Variants in CCDC88C observed in about 807,000 individuals in gnomAD.
The protein encoded by CCDC88C is coiled-coil and HOOK domain protein 88C.
In CCDC88C, 131 loss-of-function variants were observed where a neutral mutation model predicts 198.8. The observed-to-expected ratio is 0.66, with a 90% CI of 0.57 to 0.76. The LOEUF (loss-of-function observed/expected upper bound fraction) is 0.76, where lower values mean the gene tolerates loss of function less well. Among genes scored for constraint, CCDC88C ranks in the 30% least tolerant of loss-of-function variants. CCDC88C has a pLI of 0.00. For missense variants in CCDC88C, 2,553 were observed against 2,631.6 expected (o/e 0.97, Z 0.65); for synonymous variants, 1,166 against 1,114.7 (o/e 1.05, Z -0.92).
At position 91,289,131 on chromosome 14, in the gene CCDC88C, T is replaced by C. The variant is rs776887120; in HGVS notation, c.4415A>G (p.Asp1472Gly). 1 of 1,613,004 alleles carries C rather than the reference T, an allele frequency of 6.2e-7. No individual in the cohort carries two copies. The highest frequency in any genetic ancestry group is 1.1e-5 in the South Asian group (1 of 91,062). The part of the protein sequence containing the change: ...ALGSNCAEER[D>G]AHNGSVGKGP... ...TTTCCCCACAGACCCGTTGTGGGCG[T>C]CGCGCTCTTCTGCACAGTTGGAGCC... is the stretch of plus-strand genomic sequence containing the variant. Residue 1472 changes from aspartate (D) to glycine (G), a missense_variant, in exon 25 of 30, where the codon GAC (aspartate) becomes GGC (glycine). Physicochemically the swap from Asp to Gly is moderately conservative, Grantham distance 94. Transcript: ENST00000389857.
intron 4 of CCDC88C, among the ~76,000 whole-genome samples, chr14:91,356,809 G>A (rs553355052): frequency 6.6e-6 from 1 of 152,266 alleles, no homozygotes; most frequent in South Asian, 2.1e-4. Context: ...GTTGGGAGGT[G>A]CCTGATGGTA....
Position 91,272,265 on chromosome 14 carries a change from G to A in CCDC88C, c.*360C>T, listed in dbSNP as rs576004834. ...TTGTGTGAGTGTGTGTGTGCTTAAC[G>A]GAGCTCAACACATTGCAAATGAGTG... On this transcript the variant is annotated 3_prime_UTR_variant, in exon 30 of 30. Coordinates refer to ENST00000389857, the MANE Select transcript of CCDC88C (RefSeq NM_001080414.4). 4.9e-4 allele frequency: 112 copies of A among 228,242 alleles called. 1 individual carries two copies. Among genetic ancestry groups the A allele is most frequent in the African/African-American group, 1.6e-3 (70 of 42,974 alleles). The allele number at this position is 228,242 out of a possible 1,614,324, so 14.1% of individuals were successfully genotyped here.
intron 29 of CCDC88C, among the ~76,000 whole-genome samples, chr14:91,274,246 C>T (rs563170663): frequency 6.6e-5 from 10 of 152,004 alleles, no homozygotes; most frequent in East Asian, 1.9e-4. Context: ...ATGGGGTCCG[C>T]GAGGGTCCAG....
chr14:91,315,993 TC>T (rs527560490), intron 13 of CCDC88C: 2 of 535,672 alleles, frequency 3.7e-6, no homozygotes, highest in Non-Finnish European at 3.3e-6. Context: ...ACCATCACCA[TC>T]CCCCCAGCGT....
At chr14:91,311,991 T>C (rs1195480338) in intron 15 of CCDC88C, among the ~76,000 whole-genome samples, 2 of 151,822 alleles carry the variant, frequency 1.3e-5, no homozygotes, top group African/African-American at 4.8e-5. Flanking sequence ...CAGGAAAGGA[T>C]TCTAGGAAAA....
In CCDC88C at chr14:91,352,453, A is replaced by G. The variant is rs1189590050; in HGVS notation, c.340+7189T>C. ...CATTTCCGGATCCAACAAGCAGCAC[A>G]GAAGCAAAGAAGCAGGATAGAAACG... On this transcript the variant is annotated intron_variant, in intron 4 of 29. Coordinates refer to ENST00000389857, the MANE Select transcript of CCDC88C (RefSeq NM_001080414.4). The surrounding 1 kb of genome is among the most constrained non-coding windows in gnomAD (Gnocchi z 4.2). Among the ~76,000 whole-genome samples, 1 of 152,256 alleles carries G rather than the reference A, an allele frequency of 6.6e-6. No individual in the cohort carries two copies. Among genetic ancestry groups the G allele is most frequent in the Non-Finnish European group, 1.5e-5 (1 of 68,052 alleles).
chr14:91,390,902 C>T (rs1885470236), intron 3 of CCDC88C, among the ~76,000 whole-genome samples: 2 of 152,164 alleles, frequency 1.3e-5, no homozygotes, highest in African/African-American at 2.4e-5. Context: ...TCACCACTTC[C>T]TTGTTTTAAG....
rs1886636063 is a variant in CCDC88C at position 91,408,653 on chromosome 14, C to T, written c.270+6G>A. ...TCAGAATTCCCGACAGCAGAACTGC[C>T]CTTACCTGGTAGTAGGTCTTAATGT... On this transcript the variant is annotated splice_donor_region_variant and intron_variant, in intron 3 of 29. Coordinates refer to ENST00000389857, the MANE Select transcript of CCDC88C (RefSeq NM_001080414.4). The T allele has an allele frequency of 1.9e-6, 3 of 1,559,560 alleles. No homozygotes were observed. In the African/African-American group the frequency reaches 4.1e-5, roughly 21 times the overall value.
chr14:91,295,673 C>T (rs889933194), intron 22 of CCDC88C, among the ~76,000 whole-genome samples: 3 of 152,202 alleles, frequency 2.0e-5, no homozygotes, highest in South Asian at 2.1e-4. Flanking sequence ...TGGAGAGAGG[C>T]GGGTTAGGAG....
Position 91,327,132 on chromosome 14 carries a change from C to G in CCDC88C, c.1051-1076G>C, listed in dbSNP as rs151208080. Among the ~76,000 whole-genome samples, 502 of 152,330 alleles carry G rather than the reference C, an allele frequency of 3.3e-3. 3 individuals are homozygous for G. Among genetic ancestry groups the G allele is most frequent in the African/African-American group, 0.012 (480 of 41,570 alleles). On this transcript the variant is annotated intron_variant, in intron 10 of 29. Coordinates refer to ENST00000389857, the MANE Select transcript of CCDC88C (RefSeq NM_001080414.4). ...CCCAAATGCCTTCGCAGGTTACAAA[C>G]AGCACACGCCAGGAACGTGTACGCT...
At chr14:91,290,196 T>G (rs1426127867) in intron 24 of CCDC88C, among the ~76,000 whole-genome samples, 1 of 152,174 alleles carries the variant, frequency 6.6e-6, no homozygotes, top group African/African-American at 2.4e-5. Context: ...GGCTTCAACC[T>G]GGGAAGCGGA....
chr14:91,417,731 G>GTCCCCGT lies in CCDC88C; in HGVS notation c.-48_-42dup. Reference sequence around the variant, plus strand: ...GCCGGCTCCGCGCCCCCCGCCCCGCGTCCCCGTTCCCCCGCGCCGCGGCAC... The same window carrying GTCCCCGT: ...GCCGGCTCCGCGCCCCCCGCCCCGCGTCCCCGTTCCCCGTTCCCCCGCGCCGCGGCAC... On this transcript the variant is annotated 5_prime_UTR_variant, in exon 1 of 30. Transcript: ENST00000389857. 1 of 1,457,920 alleles carries GTCCCCGT rather than the reference G, an allele frequency of 6.9e-7. No homozygotes were observed. Among genetic ancestry groups the GTCCCCGT allele is most frequent in the Non-Finnish European group, 9.1e-7 (1 of 1,098,644 alleles). The allele number at this position is 1,457,920 out of a possible 1,614,324, so 90.3% of individuals were successfully genotyped here. A position where few individuals can be genotyped will look rare whatever the true frequency, so the allele number is the denominator to read the frequency against.
chr14:91,376,866 A>G (rs182393541), intron 3 of CCDC88C, among the ~76,000 whole-genome samples: 14 of 152,300 alleles, frequency 9.2e-5, no homozygotes, highest in African/African-American at 3.4e-4. Flanking sequence ...TAATATCCCA[A>G]AGTGACTGCC....
chr14:91,274,557 GGA>G (rs879364297), intron 29 of CCDC88C, among the ~76,000 whole-genome samples: 2,257 of 152,302 alleles, frequency 0.015, 34 homozygotes, highest in Middle Eastern at 0.024. Flanking sequence ...TGGTAGCTCA[GGA>G]GCCATCTGCA....
In CCDC88C at chr14:91,313,500, C is replaced by T. The variant is rs1891937758; in HGVS notation, c.2316G>A (p.Gln772=). ...TGTGGCTGCTGCTCTCCAGGCTCTG[C>T]TGCAGCCGGAGGTTCTCAGCGCTCA... ...QSVSAENLRL[Q]QSLESSSHKT... is the part of the protein sequence containing the mutation. The change falls in exon 15 of 30, where the codon CAG becomes CAA. Residue 772 remains glutamine (Q), a synonymous_variant. Coordinates refer to ENST00000389857, the MANE Select transcript of CCDC88C (RefSeq NM_001080414.4). This position sits in a 1 kb window ranked among gnomAD's most constrained non-coding sequence, Gnocchi z 5.2. The T allele has an allele frequency of 5.0e-6, 8 of 1,608,154 alleles. No individual in the cohort carries two copies. Among genetic ancestry groups the T allele is most frequent in the Non-Finnish European group, 5.1e-6 (6 of 1,179,812 alleles).
intron 3 of CCDC88C, among the ~76,000 whole-genome samples, chr14:91,402,581 G>A (rs1262381687): frequency 6.6e-6 from 1 of 152,204 alleles, no homozygotes; most frequent in Non-Finnish European, 1.5e-5. Context: ...ACAGCAAGCG[G>A]ATAAAAGTGT....
chr14:91,300,535 C>T (rs577816065), intron 20 of CCDC88C, among the ~76,000 whole-genome samples: 1 of 152,368 alleles, frequency 6.6e-6, no homozygotes, highest in Admixed American at 6.5e-5. Flanking sequence ...GGAGAAGCCT[C>T]TCCCTCTCCC....
At chr14:91,307,943 C>T (rs370112920) in intron 17 of CCDC88C, among the ~76,000 whole-genome samples, 5 of 152,252 alleles carry the variant, frequency 3.3e-5, no homozygotes, top group African/African-American at 9.6e-5. Context: ...GTGGCAAATA[C>T]GTGTGCATGC....
rs1250631540 is a variant in CCDC88C at position 91,313,679 on chromosome 14, C to T, written c.2137G>A (p.Val713Met). 1.2e-6 allele frequency: 2 copies of T among 1,611,866 alleles called. No individual in the cohort carries two copies. Among genetic ancestry groups the T allele is most frequent in the African/African-American group, 1.3e-5 (1 of 74,936 alleles). The stretch of plus-strand genomic sequence containing the variant: ...GTGCTGGTGAAGCGCATGGTCTCCA[C>T]CAGCCTGCGCAGCTCCAGGTTCTCT... ...DAENLELRRLVETMRFTSTKL... is the reference protein window; with the variant it reads ...DAENLELRRLMETMRFTSTKL... The change falls in exon 15 of 30, where the codon GTG (valine) becomes ATG (methionine). Residue 713 changes from valine to methionine, a missense_variant. Transcript: ENST00000389857. This position sits in a 1 kb window ranked among gnomAD's most constrained non-coding sequence, Gnocchi z 5.2.
Sources: gnomAD v4.1 joint callset for allele counts (sites outside exome capture counted in the v4.1 genomes callset) on GRCh38, gnomAD v4.1.1 for gene constraint, Gnocchi (gnomAD v3.1) non-coding constraint, MANE v1.5 for transcripts, NCBI Gene and HGNC (gene_info 2026-07-23, HGNC 2026-07-21) for gene names.